STK32B: variants seen among roughly 807,000 people sequenced by gnomAD.
STK32B encodes the protein serine/threonine-protein kinase 32B.
A neutral mutation model predicts 52.6 loss-of-function variants in STK32B; 43 were observed. That is an observed-to-expected ratio of 0.82 (90% confidence interval 0.64 to 1.05). The LOEUF (loss-of-function observed/expected upper bound fraction) is 1.05, where lower values mean the gene tolerates loss of function less well. Among genes scored for constraint, STK32B ranks in the 50% least tolerant of loss-of-function variants. The probability of loss-of-function intolerance (pLI) is 0.00; values close to 1 mark genes in which losing one functional copy is unlikely to be tolerated. For synonymous variants in STK32B, 238 were observed against 204.3 expected (o/e 1.17, Z -1.41); for missense variants, 621 against 534.6 (o/e 1.16, Z -1.59).
intron 1 of STK32B, among the ~76,000 whole-genome samples, chr4:5,089,285 T>G (rs1712916405): frequency 1.3e-5 from 2 of 152,130 alleles, no homozygotes; most frequent in African/African-American, 4.8e-5. Flanking sequence ...CGTATACCTG[T>G]GCCATGGTGG....
intron 4 of STK32B, among the ~76,000 whole-genome samples, chr4:5,376,780 G>A (rs577348787): frequency 6.6e-6 from 1 of 152,246 alleles, no homozygotes; most frequent in South Asian, 2.1e-4. Flanking sequence ...CACCATGTTA[G>A]AAATTCTACA....
At chr4:5,258,445 C>T (rs1726478755) in intron 3 of STK32B, among the ~76,000 whole-genome samples, 1 of 152,162 alleles carries the variant, frequency 6.6e-6, no homozygotes, top group Admixed American at 6.5e-5. Flanking sequence ...CATTAGGCTC[C>T]ACAGCCTCTC....
intron 3 of STK32B, among the ~76,000 whole-genome samples, chr4:5,317,272 T>C (rs866784245): frequency 4.0e-5 from 2 of 49,590 alleles, no homozygotes; most frequent in East Asian, 7.2e-4. Flanking sequence ...ATATATATAA[T>C]ATATAACATA....
At chr4:5,099,147 C>T (rs1713563100) in intron 1 of STK32B, among the ~76,000 whole-genome samples, 2 of 152,152 alleles carry the variant, frequency 1.3e-5, no homozygotes, top group African/African-American at 4.8e-5. Context: ...CTCCTGTCTT[C>T]AAAGCCAGCA....
At chr4:5,030,109 C>G in the STK32B span, among the ~76,000 whole-genome samples, 5 of 152,210 alleles carry the variant, frequency 3.3e-5, no homozygotes, top group African/African-American at 1.2e-4. Flanking sequence ...AGTGAAACCT[C>G]TTTCCTTTAT....
At chr4:5,451,018 G>C (rs1715942663) in intron 7 of STK32B, among the ~76,000 whole-genome samples, 1 of 152,178 alleles carries the variant, frequency 6.6e-6, no homozygotes, top group Non-Finnish European at 1.5e-5. Flanking sequence ...CTTCATCTGA[G>C]CCCTGGCTTC....
At chr4:5,486,175 T>C (rs1358031255) in intron 11 of STK32B, among the ~76,000 whole-genome samples, 1 of 152,186 alleles carries the variant, frequency 6.6e-6, no homozygotes, top group African/African-American at 2.4e-5. Context: ...GCTATGCCCA[T>C]GCCCCCAGAG....
chr4:5,345,821 A>T (rs1307117465), intron 4 of STK32B, among the ~76,000 whole-genome samples: 1 of 152,252 alleles, frequency 6.6e-6, no homozygotes, highest in South Asian at 2.1e-4. Context: ...CGTCACATGG[A>T]TGACTCTCAT....
In STK32B at chr4:5,271,698, TCTC is replaced by T. The variant is rs1727442962; in HGVS notation, c.261-59519_261-59517del. Among the ~76,000 whole-genome samples the T allele has an allele frequency of 2.7e-5, 4 of 146,734 alleles. No homozygotes were observed. In the South Asian group the frequency reaches 8.6e-4, roughly 32 times the overall value. On this transcript the variant is annotated intron_variant, in intron 3 of 11. Coordinates refer to ENST00000282908, the MANE Select transcript of STK32B (RefSeq NM_018401.3). ...ATTTCCTTGAGCAGTGGTTTGTAGT[TCTC>T]CTTGAAGAGGTCCTTCACATCCCTT...
chr4:5,279,505 T>A lies in STK32B; in HGVS notation c.261-51715T>A, dbSNP rs548016065. Among the ~76,000 whole-genome samples, 22 of 152,298 alleles carry A rather than the reference T, an allele frequency of 1.4e-4. No individual in the cohort carries two copies. The South Asian group carries it at 4.4e-3, about 30-fold the overall frequency. On this transcript the variant is annotated intron_variant, in intron 3 of 11. Coordinates refer to ENST00000282908, the MANE Select transcript of STK32B (RefSeq NM_018401.3). ...CCACAGCTGCATCCACAGGCTGGCA[T>A]TGAGTGCCTATGGCTTTTCCAGGTA...
At chr4:5,236,214 T>G (rs775294359) in intron 3 of STK32B, among the ~76,000 whole-genome samples, 53 of 152,186 alleles carry the variant, frequency 3.5e-4, no homozygotes, top group Non-Finnish European at 5.6e-4. Context: ...ACTCTCACCA[T>G]GTTCCAGCTT....
chr4:5,280,148 C>T (rs539912378), intron 3 of STK32B, among the ~76,000 whole-genome samples: 9 of 152,308 alleles, frequency 5.9e-5, no homozygotes, highest in Non-Finnish European at 4.4e-5. Context: ...ATTTTCCAAA[C>T]TTTTATGCTC....
At chr4:5,319,107 A>C (rs1458353716) in intron 3 of STK32B, among the ~76,000 whole-genome samples, 2 of 152,122 alleles carry the variant, frequency 1.3e-5, no homozygotes, top group African/African-American at 4.8e-5. Context: ...CCTGGCTAAA[A>C]ATAGCAAGTA....
the STK32B span, among the ~76,000 whole-genome samples, chr4:5,032,195 C>T: frequency 7.4e-4 from 111 of 150,788 alleles, no homozygotes; most frequent in Middle Eastern, 6.8e-3. Flanking sequence ...AAAACCTGGC[C>T]GGGCACAGTG....
chr4:5,151,066 A>T (rs1273994395), intron 2 of STK32B, among the ~76,000 whole-genome samples: 3 of 152,194 alleles, frequency 2.0e-5, no homozygotes, highest in Non-Finnish European at 4.4e-5. Context: ...ATAGCCTGTC[A>T]TCATCCGTTG....
At chr4:5,307,439 T>G (rs1021147249) in intron 3 of STK32B, among the ~76,000 whole-genome samples, 1 of 152,146 alleles carries the variant, frequency 6.6e-6, no homozygotes, top group African/African-American at 2.4e-5. Context: ...TCTGAGACTT[T>G]CCAGTGCATT....
At chr4:5,195,849 C>A (rs959720478) in intron 3 of STK32B, among the ~76,000 whole-genome samples, 1 of 152,210 alleles carries the variant, frequency 6.6e-6, no homozygotes, top group Non-Finnish European at 1.5e-5. Context: ...ATGGACTTGA[C>A]CTTTTTATCA....
At chr4:5,134,372 A>G (rs1393140660) in intron 1 of STK32B, among the ~76,000 whole-genome samples, 1 of 152,194 alleles carries the variant, frequency 6.6e-6, no homozygotes, top group Non-Finnish European at 1.5e-5. Context: ...ACAAGAGTGA[A>G]TTACAAAAGC....
chr4:5,303,480 T>G (rs1729714635), intron 3 of STK32B, among the ~76,000 whole-genome samples: 1 of 152,188 alleles, frequency 6.6e-6, no homozygotes, highest in Non-Finnish European at 1.5e-5. Flanking sequence ...TTGTATATTG[T>G]CTCTTTATAA....
Sources: gnomAD v4.1 joint callset for allele counts (sites outside exome capture counted in the v4.1 genomes callset) on GRCh38, gnomAD v4.1.1 for gene constraint, MANE v1.5 for transcripts, NCBI Gene and HGNC (gene_info 2026-07-23, HGNC 2026-07-21) for gene names.